Variants in HSPA12B observed in about 807,000 individuals in gnomAD.
HSPA12B encodes the protein heat shock 70 kDa protein 12B.
A neutral mutation model predicts 69.3 loss-of-function variants in HSPA12B; 54 were observed. The ratio of observed to expected loss-of-function variants is 0.78; its 90% CI spans 0.63 to 0.98. The LOEUF (loss-of-function observed/expected upper bound fraction) is 0.98. HSPA12B is among the 50% of genes least tolerant of loss of function. HSPA12B has a pLI of 0.00. For missense variants in HSPA12B, 929 were observed against 999.8 expected (o/e 0.93, Z 0.96); for synonymous variants, 441 against 436.5 (o/e 1.01, Z -0.13).
intron 1 of HSPA12B, among the ~76,000 whole-genome samples, chr20:3,734,815 C>A (rs1176224235): frequency 6.8e-6 from 1 of 146,572 alleles, no homozygotes; most frequent in Non-Finnish European, 1.5e-5. Context: ...TCATGACTTA[C>A]TGCAGCCTCA....
chr20:3,747,451 C>T (rs1023239382), intron 7 of HSPA12B, among the ~76,000 whole-genome samples: 4 of 152,202 alleles, frequency 2.6e-5, no homozygotes, highest in African/African-American at 9.7e-5. Flanking sequence ...TTCCCACCCT[C>T]CTTCTCACGC....
chr20:3,748,109 TGGA>T, intron 7 of HSPA12B, 105 bp from the exon 8 acceptor site: 2 of 1,003,396 alleles, frequency 2.0e-6, no homozygotes, highest in South Asian at 2.1e-5. Flanking sequence ...TGGGGTGTGA[TGGA>T]GGAGGAGGTG....
intron 1 of HSPA12B, among the ~76,000 whole-genome samples, chr20:3,733,334 A>G (rs1055272249): frequency 1.6e-4 from 25 of 152,036 alleles, no homozygotes; most frequent in African/African-American, 6.0e-4. Context: ...AGTGGAGCCT[A>G]TCTGTGAGGT....
intron 1 of HSPA12B, among the ~76,000 whole-genome samples, chr20:3,734,940 G>C (rs1225259603): frequency 1.3e-5 from 2 of 151,798 alleles, no homozygotes; most frequent in African/African-American, 4.8e-5. Context: ...GGGTTTTGCT[G>C]TTGCCCAGGC....
chr20:3,735,065 C>T (rs761455980), intron 1 of HSPA12B, among the ~76,000 whole-genome samples: 1 of 152,120 alleles, frequency 6.6e-6, no homozygotes, highest in Admixed American at 6.6e-5. Flanking sequence ...TAGTTCCTAC[C>T]TCCTTCCTTA....
At chr20:3,750,350 C>A in intron 11 of HSPA12B, 123 bp downstream of exon 11, 1 of 1,083,888 alleles carries the variant, frequency 9.2e-7, no homozygotes, top group Non-Finnish European at 1.3e-6. Flanking sequence ...ATACACTAAG[C>A]CAGCAGGGCG....
rs1304240626 is a variant in HSPA12B at position 3,742,425 on chromosome 20, T to G, written c.266+17T>G. 1.9e-5 allele frequency: 31 copies of G among 1,592,726 alleles called. No individual in the cohort carries two copies. The highest frequency in any genetic ancestry group is 2.4e-5 in the Non-Finnish European group (28 of 1,162,388). On this transcript the variant is annotated intron_variant, in intron 4 of 12. Transcript: ENST00000254963. Reference sequence around the variant, plus strand: ...CATGATGAGGTGAGGTCGGCTGGGCTGAGAGAGTGAGGTGGGGAAGGTGGG... The same window carrying G: ...CATGATGAGGTGAGGTCGGCTGGGCGGAGAGAGTGAGGTGGGGAAGGTGGG...
rs199871927 is a variant in HSPA12B at position 3,740,824 on chromosome 20, C to T, written c.53C>T (p.Pro18Leu). Residue 18 changes from proline to leucine, a missense_variant, in exon 3 of 13, where the codon CCG becomes CTG. By Grantham distance (98) the Pro-to-Leu change is moderately conservative. Around this residue, in one of 3 missense-constraint regions of HSPA12B, gnomAD observed 477 missense variants for 535.2 expected, o/e 0.89. Transcript: ENST00000254963. This position sits in a 1 kb window ranked among gnomAD's most constrained non-coding sequence, Gnocchi z 4.9. Reference protein sequence around the residue: ...GLQGLYIGSSPERSPVPSPPG... With the variant: ...GLQGLYIGSSLERSPVPSPPG... ...CGTCTCTTCTCTGCAGGCTCCAGCC[C>T]GGAGCGGTCCCCAGTGCCTAGCCCA... The T allele has an allele frequency of 1.3e-5, 21 of 1,613,386 alleles. No individual in the cohort carries two copies. The highest frequency in any genetic ancestry group is 1.1e-4 in the East Asian group (5 of 44,882).
intron 1 of HSPA12B, among the ~76,000 whole-genome samples, chr20:3,736,323 C>T (rs1037847277): frequency 6.6e-6 from 1 of 152,222 alleles, no homozygotes. Context: ...GATTCTGATT[C>T]CTGAGCATCC....
In HSPA12B at chr20:3,745,388, AGAG is replaced by A. The variant is rs2088281090; in HGVS notation, c.454-100_454-98del. On this transcript the variant is annotated intron_variant, in intron 5 of 12. Coordinates refer to ENST00000254963, the MANE Select transcript of HSPA12B (RefSeq NM_052970.5). This position sits in a 1 kb window ranked among gnomAD's most constrained non-coding sequence, Gnocchi z 5.6. ...TGGGGCAAGAGTGGGACGGTGGTAA[AGAG>A]GAGGGGAAGCTCCAGGAAACGGGGT... 1.2e-6 allele frequency: 1 copy of A among 836,598 alleles called. No individual in the cohort carries two copies. The highest frequency in any genetic ancestry group is 1.7e-5 in the African/African-American group (1 of 60,046). The allele number at this position is 836,598 out of a possible 1,614,324, so 51.8% of individuals were successfully genotyped here.
chr20:3,744,788 A>G lies in HSPA12B; in HGVS notation c.267-114A>G. ...CTCCTGCTGCCTATGGAGCCGACCC[A>G]TAGCTAGTTCTCCCTGCTCTTTCAC... is the stretch of plus-strand genomic sequence containing the variant. On this transcript the variant is annotated intron_variant, in intron 4 of 12. Transcript: ENST00000254963. This position sits in a 1 kb window ranked among gnomAD's most constrained non-coding sequence, Gnocchi z 4.9. 2 of 955,808 alleles carry G rather than the reference A, an allele frequency of 2.1e-6. No homozygotes were observed. Among genetic ancestry groups the G allele is most frequent in the Non-Finnish European group, 3.2e-6 (2 of 629,410 alleles). The allele number at this position is 955,808 out of a possible 1,614,324, so 59.2% of individuals were successfully genotyped here.
Position 3,744,870 on chromosome 20 carries a change from AG to A in HSPA12B, c.267-29del. On this transcript the variant is annotated intron_variant, in intron 4 of 12. Transcript: ENST00000254963. This position sits in a 1 kb window ranked among gnomAD's most constrained non-coding sequence, Gnocchi z 4.9. The stretch of plus-strand genomic sequence containing the variant: ...TGCCTGGATTCCCACCCAAGAAGGG[AG>A]GGTTGCACTGACTGCCCTGTGCCTC... 1.3e-6 allele frequency: 2 copies of A among 1,593,292 alleles called. No homozygotes were observed. Among genetic ancestry groups the A allele is most frequent in the Non-Finnish European group, 1.7e-6 (2 of 1,168,842 alleles).
In HSPA12B at chr20:3,737,158, A is replaced by G. The variant is rs2088121931; in HGVS notation, c.-17-1500A>G. Among the ~76,000 whole-genome samples, 1 of 152,182 alleles carries G rather than the reference A, an allele frequency of 6.6e-6. No homozygotes were observed. The highest frequency in any genetic ancestry group is 2.4e-5 in the African/African-American group (1 of 41,442). Reference sequence around the variant, plus strand: ...TCTGGGCTGGGGCCTGAGGTTCTGCATTTCTAACAAGCTTCCAGGTGATAC... The same window carrying G: ...TCTGGGCTGGGGCCTGAGGTTCTGCGTTTCTAACAAGCTTCCAGGTGATAC... On this transcript the variant is annotated intron_variant, in intron 1 of 12. Coordinates refer to ENST00000254963, the MANE Select transcript of HSPA12B (RefSeq NM_052970.5). This position sits in a 1 kb window ranked among gnomAD's most constrained non-coding sequence, Gnocchi z 4.1.
Position 3,749,125 on chromosome 20 carries a change from G to A in HSPA12B, c.851-107G>A. ...AGCAGGTTGGAGTTTCAGGAGCACTGGCTGCTCCCAGTGCCCATGGAGGTC... is the reference window on the plus strand; with the variant it reads ...AGCAGGTTGGAGTTTCAGGAGCACTAGCTGCTCCCAGTGCCCATGGAGGTC... On this transcript the variant is annotated intron_variant, in intron 8 of 12. Transcript: ENST00000254963. The surrounding 1 kb of genome is among the most constrained non-coding windows in gnomAD (Gnocchi z 5.5). 1.1e-6 allele frequency: 1 copy of A among 935,650 alleles called. No individual in the cohort carries two copies. The highest frequency in any genetic ancestry group is 1.6e-6 in the Non-Finnish European group (1 of 612,902). 58.0% of individuals were successfully genotyped at this position (935,650 alleles called of 1,614,324 possible). A position where few individuals can be genotyped will look rare whatever the true frequency, so the allele number is the denominator to read the frequency against.
chr20:3,749,464 C>A lies in HSPA12B; in HGVS notation c.937+146C>A. The A allele has an allele frequency of 1.3e-6, 1 of 751,980 alleles. No homozygotes were observed. Among genetic ancestry groups the A allele is most frequent in the South Asian group, 1.7e-5 (1 of 57,288 alleles). The allele number at this position is 751,980 out of a possible 1,614,324, so 46.6% of individuals were successfully genotyped here. A position where few individuals can be genotyped will look rare whatever the true frequency, so the allele number is the denominator to read the frequency against. Reference sequence around the variant, plus strand: ...GCCGTCCCCTCACAGTCACCCGCACCCCCACCCCACTCACAGCGGCGCCCC... The same window carrying A: ...GCCGTCCCCTCACAGTCACCCGCACACCCACCCCACTCACAGCGGCGCCCC... On this transcript the variant is annotated intron_variant, in intron 9 of 12. Coordinates refer to ENST00000254963, the MANE Select transcript of HSPA12B (RefSeq NM_052970.5). The surrounding 1 kb of genome is among the most constrained non-coding windows in gnomAD (Gnocchi z 5.5).
chr20:3,746,048 G>C lies in HSPA12B; in HGVS notation c.675+17G>C. The C allele has an allele frequency of 1.3e-6, 2 of 1,596,036 alleles. No individual in the cohort carries two copies. The highest frequency in any genetic ancestry group is 1.7e-6 in the Non-Finnish European group (2 of 1,164,022). On this transcript the variant is annotated intron_variant, in intron 7 of 12. Transcript: ENST00000254963. ...GCCTACCTGGTGAGGACGTGCAGGC[G>C]GGCCCGAGAACACTGCTCAGGAAGG...
intron 4 of HSPA12B, among the ~76,000 whole-genome samples, chr20:3,743,585 C>T (rs935908595): frequency 4.6e-5 from 7 of 152,088 alleles, no homozygotes; most frequent in African/African-American, 1.7e-4. Flanking sequence ...ATACAACTTG[C>T]TTTGTTTTAA....
chr20:3,742,426 G>A lies in HSPA12B; in HGVS notation c.266+18G>A. On this transcript the variant is annotated intron_variant, in intron 4 of 12. Coordinates refer to ENST00000254963, the MANE Select transcript of HSPA12B (RefSeq NM_052970.5). ...ATGATGAGGTGAGGTCGGCTGGGCT[G>A]AGAGAGTGAGGTGGGGAAGGTGGGG... 1 of 1,594,484 alleles carries A rather than the reference G, an allele frequency of 6.3e-7. No individual in the cohort carries two copies. Among genetic ancestry groups the A allele is most frequent in the East Asian group, 2.2e-5 (1 of 44,450 alleles).
intron 1 of HSPA12B, among the ~76,000 whole-genome samples, chr20:3,733,450 G>A (rs561272930): frequency 6.6e-6 from 1 of 152,324 alleles, no homozygotes; most frequent in Admixed American, 6.5e-5. Flanking sequence ...GTAATGGGGG[G>A]CTGTGGGCAG....
Sources: gnomAD v4.1 joint callset for allele counts (sites outside exome capture counted in the v4.1 genomes callset) on GRCh38, gnomAD v4.1.1 for gene constraint, gnomAD v4.1.1 regional missense constraint, Gnocchi (gnomAD v3.1) non-coding constraint, MANE v1.5 for transcripts, NCBI Gene and HGNC (gene_info 2026-07-23, HGNC 2026-07-21) for gene names.